THSD1: variants seen among roughly 807,000 people sequenced by gnomAD.
The protein encoded by THSD1 is thrombospondin type 1 domain containing 1, also known as thrombospondin type-1 domain-containing protein 1.
Under a neutral mutation model 46.3 loss-of-function variants are expected in THSD1, and 34 were observed. That is an observed-to-expected ratio of 0.74 (90% CI 0.56 to 0.98). The LOEUF (loss-of-function observed/expected upper bound fraction) is 0.98. Ranked by LOEUF, THSD1 falls within the 50% of genes least tolerant of loss-of-function variation. The pLI is 0.00. For synonymous variants in THSD1, 407 were observed against 416.5 expected (o/e 0.98, Z 0.28); for missense variants, 1,023 against 1,058.3 (o/e 0.97, Z 0.46).
At chr13:52,393,582 C>T (rs781328006) in intron 3 of THSD1, among the ~76,000 whole-genome samples, 24 of 152,082 alleles carry the variant, frequency 1.6e-4, no homozygotes, top group Admixed American at 2.6e-4. Context: ...TGCTAGAACC[C>T]GGGAGGTGGC....
intron 4 of THSD1, among the ~76,000 whole-genome samples, chr13:52,385,405 T>C (rs1433065542): frequency 2.0e-5 from 3 of 152,186 alleles, no homozygotes; most frequent in Non-Finnish European, 4.4e-5. Context: ...GTGAGCAACA[T>C]ATCTATAGAC....
chr13:52,381,142 A>G (rs777058627), intron 4 of THSD1, among the ~76,000 whole-genome samples: 3 of 152,114 alleles, frequency 2.0e-5, no homozygotes, highest in Admixed American at 2.0e-4. Flanking sequence ...CCCATCTGCC[A>G]GACACTTCCC....
chr13:52,402,164 C>T lies in THSD1; in HGVS notation c.58+379G>A, dbSNP rs550046166. 4.1e-4 allele frequency among the ~76,000 whole-genome samples: 62 copies of T among 152,244 alleles called. 1 individual carries two copies. Among genetic ancestry groups the T allele is most frequent in the Middle Eastern group, 6.8e-3 (2 of 294 alleles). On this transcript the variant is annotated intron_variant, in intron 2 of 4. Coordinates refer to ENST00000258613, the MANE Select transcript of THSD1 (RefSeq NM_018676.4). ...CCAAATGTATGTTAGCACCAAAACTCGGTCAAGTGAAATCTTATGTAGAAC... is the reference window on the plus strand; with the variant it reads ...CCAAATGTATGTTAGCACCAAAACTTGGTCAAGTGAAATCTTATGTAGAAC...
chr13:52,386,187 C>T lies in THSD1; in HGVS notation c.1022-1G>A. On this transcript the variant is annotated splice_acceptor_variant, in intron 3 of 4. Coordinates refer to ENST00000258613, the MANE Select transcript of THSD1 (RefSeq NM_018676.4). LOFTEE classifies it high-confidence loss of function. ...CATGGCTGCCACAGTCCCCAAGTTT[C>T]TGCAAGGATATAAGTTATGCTTTTA... 1.9e-6 allele frequency: 3 copies of T among 1,613,922 alleles called. No individual in the cohort carries two copies. Among genetic ancestry groups the T allele is most frequent in the Non-Finnish European group, 2.5e-6 (3 of 1,179,912 alleles).
chr13:52,402,487 TG>T, intron 2 of THSD1, 55 bp downstream of exon 2: 1 of 1,541,156 alleles, frequency 6.5e-7, no homozygotes, highest in Non-Finnish European at 9.0e-7. Context: ...GCATTTATAA[TG>T]TCATCTTTAT....
At position 52,377,692 on chromosome 13, in the gene THSD1, G is replaced by A. The variant is rs767635196; in HGVS notation, c.2278C>T (p.Arg760Cys). 6 of 1,609,978 alleles carry A rather than the reference G, an allele frequency of 3.7e-6. No homozygotes were observed. Among genetic ancestry groups the A allele is most frequent in the South Asian group, 1.1e-5 (1 of 90,878 alleles). Residue 760 changes from arginine to cysteine, a missense_variant, in exon 5 of 5, where the codon CGT (arginine) becomes TGT (cysteine). Transcript: ENST00000258613. The stretch of plus-strand genomic sequence containing the variant: ...TTGTGACTGGGGGACGGTCCCCGAC[G>A]AGCTCTGTGGGGCTCTGTTCTCTCA... ...GIERTEPHRA[R>C]RGPSPSHKSV...
intron 3 of THSD1, among the ~76,000 whole-genome samples, chr13:52,394,026 T>A (rs967291211): frequency 6.6e-6 from 1 of 152,152 alleles, no homozygotes; most frequent in Non-Finnish European, 1.5e-5. Context: ...GTTGGCTGCA[T>A]GGGGCAGCCC....
intron 4 of THSD1, among the ~76,000 whole-genome samples, 189 bp from the exon 5 acceptor site, chr13:52,378,978 T>C (rs575994442): frequency 2.5e-4 from 37 of 150,668 alleles, no homozygotes; most frequent in African/African-American, 8.8e-4. Flanking sequence ...TTCTCCTGCC[T>C]CAGCCTCCCA....
chr13:52,398,423 C>T, intron 2 of THSD1: 1 of 676,762 alleles, frequency 1.5e-6, no homozygotes, highest in Non-Finnish European at 1.8e-6. Flanking sequence ...GCACATGCCA[C>T]CACACCCAGC....
chr13:52,403,699 C>T (rs941283924), intron 1 of THSD1, among the ~76,000 whole-genome samples: 19 of 152,060 alleles, frequency 1.2e-4, no homozygotes, highest in African/African-American at 4.3e-4. Context: ...GGCAGGATCT[C>T]GATCTCCTGA....
Position 52,378,600 on chromosome 13 carries a change from G to A in THSD1, c.1370C>T (p.Pro457Leu). 1 of 1,614,150 alleles carries A rather than the reference G, an allele frequency of 6.2e-7. No individual in the cohort carries two copies. Among genetic ancestry groups the A allele is most frequent in the Non-Finnish European group, 8.5e-7 (1 of 1,180,030 alleles). The change falls in exon 5 of 5, where the codon CCC (proline) becomes CTC (leucine). Residue 457 changes from proline to leucine, a missense_variant. By Grantham distance (98) the Pro-to-Leu change is moderately conservative. This residue lies in a region of THSD1 where 578 missense variants were observed against 497.4 expected (regional missense o/e 1.16). Transcript: ENST00000258613. ...TPARHNSIHS[P>L]SFRKNSDEEN... The stretch of plus-strand genomic sequence containing the variant: ...CTCGTCCGAGTTCTTCCGGAAGCTG[G>A]GGGAGTGGATGGAGTTGTGTCGAGC...
chr13:52,378,087 G>T lies in THSD1; in HGVS notation c.1883C>A (p.Ser628Ter). 1.2e-6 allele frequency: 2 copies of T among 1,614,202 alleles called. No individual in the cohort carries two copies. Among genetic ancestry groups the T allele is most frequent in the Non-Finnish European group, 8.5e-7 (1 of 1,180,038 alleles). ...TCTGCTGCCCACGTGCCTTGCCTGT[G>T]ACTTGCGGATCAGAGTCTGGCTGGG... ...ISPSQTLIRK[S>*]QARHVGSRGG... is the part of the protein sequence containing the mutation. The change falls in exon 5 of 5, where the codon TCA (serine) becomes TAA (stop). Residue 628 changes from serine to a stop codon, truncating the protein, a stop_gained. Coordinates refer to ENST00000258613, the MANE Select transcript of THSD1 (RefSeq NM_018676.4). LOFTEE classifies it high-confidence loss of function.
intron 2 of THSD1, among the ~76,000 whole-genome samples, chr13:52,400,311 A>G (rs1156559882): frequency 1.3e-5 from 2 of 152,126 alleles, no homozygotes; most frequent in Non-Finnish European, 2.9e-5. Context: ...GAAAACTACA[A>G]TTTGGGCCAG....
In THSD1 at chr13:52,378,165, C is replaced by T; in HGVS notation, c.1805G>A (p.Arg602Lys). 3.1e-6 allele frequency: 5 copies of T among 1,614,186 alleles called. No individual in the cohort carries two copies. Among genetic ancestry groups the T allele is most frequent in the Non-Finnish European group, 3.4e-6 (4 of 1,180,030 alleles). ...PEQPAVSAGE[R>K]PPSRLDLNVT... ...ATTTAGATCCAGCCTGGAGGGAGGC[C>T]TTTCCCCGGCACTGACCGCGGGCTG... is the stretch of plus-strand genomic sequence containing the variant. Residue 602 changes from arginine to lysine, a missense_variant, in exon 5 of 5, where the codon AGG (arginine) becomes AAG (lysine). Arg to Lys is a conservative substitution (Grantham distance 26). Coordinates refer to ENST00000258613, the MANE Select transcript of THSD1 (RefSeq NM_018676.4).
chr13:52,380,473 A>G (rs930703168), intron 4 of THSD1, among the ~76,000 whole-genome samples: 3 of 143,486 alleles, frequency 2.1e-5, no homozygotes, highest in South Asian at 2.3e-4. Flanking sequence ...GTTTCCCCCA[A>G]TCCTCTCAGT....
intron 2 of THSD1, among the ~76,000 whole-genome samples, chr13:52,401,779 C>T (rs535127202): frequency 1.3e-5 from 2 of 152,348 alleles, no homozygotes; most frequent in South Asian, 4.1e-4. Flanking sequence ...CCAGTGTCCT[C>T]TATATCTTGG....
Position 52,397,431 on chromosome 13 carries a change from G to A in THSD1, c.822C>T (p.Val274=). 2 of 1,614,114 alleles carry A rather than the reference G, an allele frequency of 1.2e-6. No individual in the cohort carries two copies. Among genetic ancestry groups the A allele is most frequent in the Non-Finnish European group, 1.7e-6 (2 of 1,180,030 alleles). Residue 274 remains valine, a synonymous_variant, in exon 3 of 5, where the codon GTC becomes GTT. Coordinates refer to ENST00000258613, the MANE Select transcript of THSD1 (RefSeq NM_018676.4). ...CAGGGTATCTGGGGGCCTCCTTGAA[G>A]ACAGTGACCACTCCTTGGACGAAGG... The part of the protein sequence containing the change: ...PCTFVQGVVT[V]FKEAPRYPGK...
In THSD1 at chr13:52,378,232, C is replaced by G. The variant is rs1353651497; in HGVS notation, c.1738G>C (p.Ala580Pro). ...APLDLESPEE[A>P]AANKFRIKSP... The stretch of plus-strand genomic sequence containing the variant: ...TTGATCCGGAACTTGTTTGCTGCAG[C>G]TTCTTCCGGGCTTTCCAAATCTAAG... The change falls in exon 5 of 5, where the codon GCT (alanine) becomes CCT (proline). Residue 580 changes from alanine to proline, a missense_variant. Coordinates refer to ENST00000258613, the MANE Select transcript of THSD1 (RefSeq NM_018676.4). The G allele has an allele frequency of 5.6e-6, 9 of 1,614,108 alleles. No homozygotes were observed. Among genetic ancestry groups the G allele is most frequent in the Non-Finnish European group, 6.8e-6 (8 of 1,180,050 alleles).
At chr13:52,403,000 T>A in intron 1 of THSD1, 1 of 939,982 alleles carries the variant, frequency 1.1e-6, no homozygotes, top group Non-Finnish European at 1.3e-6. Context: ...TTATCAAAGT[T>A]AATAGCCAAT....
Sources: gnomAD v4.1 joint callset for allele counts (sites outside exome capture counted in the v4.1 genomes callset) on GRCh38, gnomAD v4.1.1 for gene constraint, gnomAD v4.1.1 regional missense constraint, MANE v1.5 for transcripts, NCBI Gene and HGNC (gene_info 2026-07-23, HGNC 2026-07-21) for gene names.